The following RHOU variants were observed in gnomAD, a reference collection of about 807,000 sequenced individuals.
RHOU encodes the protein ras homolog family member U.
Under a neutral mutation model 12.6 loss-of-function variants are expected in RHOU, and 8 were observed. The observed-to-expected ratio is 0.64, with a 90% CI of 0.37 to 1.15. The LOEUF (loss-of-function observed/expected upper bound fraction) is 1.15. Among genes scored for constraint, RHOU ranks in the 50% most tolerant of loss-of-function variants. The pLI, the probability that RHOU is intolerant of heterozygous loss-of-function variation, is 0.01. For missense variants in RHOU, 258 were observed against 347.0 expected (o/e 0.74, Z 2.04); for synonymous variants, 161 against 147.4 (o/e 1.09, Z -0.67).
the RHOU span, among the ~76,000 whole-genome samples, chr1:228,693,606 A>G: frequency 5.3e-5 from 8 of 152,184 alleles, no homozygotes; most frequent in African/African-American, 1.9e-4. Context: ...AGCTGGGACT[A>G]CAGGCACGCG....
upstream of RHOU, among the ~76,000 whole-genome samples, chr1:228,733,470 C>T (rs115284381): frequency 0.013 from 1,942 of 152,282 alleles, 11 homozygotes; most frequent in East Asian, 0.027. Flanking sequence ...CCACACCTGG[C>T]TAATTTTTTT....
upstream of RHOU, among the ~76,000 whole-genome samples, chr1:228,734,868 T>C (rs1662559504): frequency 6.6e-6 from 1 of 152,156 alleles, no homozygotes; most frequent in Non-Finnish European, 1.5e-5. Flanking sequence ...GGAGCATACA[T>C]GTATAAAGGT....
At chr1:228,734,262 T>C (rs1662548504), upstream of RHOU, among the ~76,000 whole-genome samples, 1 of 152,150 alleles carries the variant, frequency 6.6e-6, no homozygotes, top group South Asian at 2.1e-4. Context: ...AATGTGAAAG[T>C]GTCCTTTGCA....
the RHOU span, among the ~76,000 whole-genome samples, chr1:228,661,461 G>A: frequency 6.6e-6 from 1 of 152,142 alleles, no homozygotes; most frequent in East Asian, 1.9e-4. Flanking sequence ...AAACAGCATG[G>A]TACTGGTCCC....
chr1:228,714,817 C>T, the RHOU span, among the ~76,000 whole-genome samples: 1 of 138,560 alleles, frequency 7.2e-6, no homozygotes, highest in African/African-American at 2.8e-5. Flanking sequence ...GGTCTCAGCT[C>T]ACTGCAACCT....
the RHOU span, among the ~76,000 whole-genome samples, chr1:228,704,402 C>T: frequency 1.3e-5 from 2 of 152,128 alleles, no homozygotes; most frequent in Non-Finnish European, 2.9e-5. Flanking sequence ...CAAATAGTAA[C>T]TAAGCCAAAA....
the RHOU span, among the ~76,000 whole-genome samples, chr1:228,651,626 G>A: frequency 6.6e-6 from 1 of 152,136 alleles, no homozygotes; most frequent in African/African-American, 2.4e-5. Flanking sequence ...CAGACCCCCT[G>A]CCCTCAAGGG....
the RHOU span, among the ~76,000 whole-genome samples, chr1:228,657,258 C>A: frequency 5.7e-5 from 5 of 87,468 alleles, no homozygotes; most frequent in African/African-American, 2.4e-4. Flanking sequence ...GCCTGGGCAA[C>A]GAGAGCAAAA....
At chr1:228,712,946 G>A in the RHOU span, among the ~76,000 whole-genome samples, 1 of 151,804 alleles carries the variant, frequency 6.6e-6, no homozygotes, top group Non-Finnish European at 1.5e-5. Flanking sequence ...GACCTAGTCG[G>A]ATATCTGAGT....
chr1:228,690,015 G>A, the RHOU span, among the ~76,000 whole-genome samples: 1 of 151,920 alleles, frequency 6.6e-6, no homozygotes, highest in Non-Finnish European at 1.5e-5. Flanking sequence ...AAATGTAATT[G>A]GAGCACGCAG....
In RHOU at chr1:228,743,438, G is replaced by A. The variant is rs1372512522; in HGVS notation, c.475G>A (p.Val159Ile). 3.7e-6 allele frequency: 6 copies of A among 1,614,140 alleles called. No individual in the cohort carries two copies. Among genetic ancestry groups the A allele is most frequent in the Non-Finnish European group, 1.7e-6 (2 of 1,180,034 alleles). The change falls in exon 3 of 3, where the codon GTT becomes ATT. Residue 159 changes from valine (V) to isoleucine (I), a missense_variant. Val to Ile is a conservative substitution (Grantham distance 29, BLOSUM62 3). Transcript: ENST00000366691. The surrounding 1 kb of genome is among the most constrained non-coding windows in gnomAD (Gnocchi z 5.1). ...CTGTCCCAAAGCCCCCATCATCCTA[G>A]TTGGAACGCAGTCGGATCTCAGAGA... ...CHCPKAPIIL[V>I]GTQSDLREDV...
At chr1:228,653,249 G>A in the RHOU span, among the ~76,000 whole-genome samples, 1 of 152,134 alleles carries the variant, frequency 6.6e-6, no homozygotes, top group African/African-American at 2.4e-5. Flanking sequence ...CCTGGGAGGG[G>A]GAATCCAGTG....
At chr1:228,679,870 G>A in the RHOU span, among the ~76,000 whole-genome samples, 9 of 151,952 alleles carry the variant, frequency 5.9e-5, no homozygotes, top group Non-Finnish European at 7.4e-5. Flanking sequence ...GGAAAAGGGC[G>A]GTAATGAGGT....
the RHOU span, among the ~76,000 whole-genome samples, chr1:228,725,996 A>G: frequency 7.9e-5 from 12 of 152,232 alleles, no homozygotes; most frequent in Admixed American, 3.9e-4. Flanking sequence ...TACTATCTTA[A>G]TAAATATAAA....
the RHOU span, among the ~76,000 whole-genome samples, chr1:228,729,619 G>A: frequency 3.9e-5 from 6 of 152,192 alleles, no homozygotes; most frequent in Non-Finnish European, 7.3e-5. Context: ...CTGCCTTGGA[G>A]AGCTACTAAA....
chr1:228,651,242 AG>A, the RHOU span: 1 of 205,996 alleles, frequency 4.9e-6, no homozygotes, highest in Middle Eastern at 4.9e-4. Flanking sequence ...TTCATTGATA[AG>A]CCATTTGCAG....
intron 2 of RHOU, among the ~76,000 whole-genome samples, chr1:228,740,662 G>A (rs1662702600): frequency 6.6e-6 from 1 of 152,200 alleles, no homozygotes; most frequent in Non-Finnish European, 1.5e-5. Context: ...ACCTCTTCTA[G>A]GCAGTTGACA....
rs187051483 is a variant in RHOU, at chr1:228,744,642, G to A, written c.*902G>A. 23 of 152,322 alleles carry A rather than the reference G, an allele frequency of 1.5e-4. No individual in the cohort carries two copies. The highest frequency in any genetic ancestry group is 5.3e-4 in the African/African-American group (22 of 41,574). 9.4% of individuals were successfully genotyped at this position (152,322 alleles called of 1,614,324 possible). On this transcript the variant is annotated 3_prime_UTR_variant, in exon 3 of 3. Transcript: ENST00000366691. ...CCTCCATACTCAAGCTGTCTCTTCG[G>A]CAGGGAGGTGAATACTCTTGAAAGG...
At chr1:228,696,245 C>A in the RHOU span, among the ~76,000 whole-genome samples, 12 of 146,952 alleles carry the variant, frequency 8.2e-5, no homozygotes, top group South Asian at 2.1e-4. Context: ...AAAAAAAAAA[C>A]AAAACGAAGT....
Sources: gnomAD v4.1 joint callset for allele counts (sites outside exome capture counted in the v4.1 genomes callset) on GRCh38, gnomAD v4.1.1 for gene constraint, Gnocchi (gnomAD v3.1) non-coding constraint, MANE v1.5 for transcripts, NCBI Gene and HGNC (gene_info 2026-07-23, HGNC 2026-07-21) for gene names.